NLRP2: variants seen among roughly 807,000 people sequenced by gnomAD.
The protein encoded by NLRP2 is NACHT, LRR and PYD domains-containing protein 2.
Under a neutral mutation model 97.2 loss-of-function variants are expected in NLRP2, and 107 were observed. The observed-to-expected ratio is 1.10, with a 90% CI of 0.94 to 1.29. The LOEUF (loss-of-function observed/expected upper bound fraction) is 1.29. Among genes scored for constraint, NLRP2 ranks in the 50% most tolerant of loss-of-function variants. NLRP2 has a pLI of 0.00. For synonymous variants in NLRP2, 663 were observed against 551.5 expected (o/e 1.20, Z -2.83); for missense variants, 1,495 against 1,330.3 (o/e 1.12, Z -1.93).
Position 54,982,588 on chromosome 19 carries a change from C to T in NLRP2, c.890C>T (p.Pro297Leu), listed in dbSNP as rs754777768. 1 of 1,614,168 alleles carries T rather than the reference C, an allele frequency of 6.2e-7. No homozygotes were observed. Residue 297 changes from proline (P) to leucine (L), a missense_variant, in exon 6 of 13, where the codon CCT becomes CTT. Physicochemically the swap from Pro to Leu is moderately conservative, Grantham distance 98. Transcript: ENST00000448584. ...IDGFDELGAA[P>L]GALIEDICGD... ...GGCTTTGATGAGCTGGGAGCCGCAC[C>T]TGGGGCGCTGATCGAGGACATCTGC... is the stretch of plus-strand genomic sequence containing the variant.
intron 10 of NLRP2, chr19:54,994,041 T>C: frequency 1.6e-6 from 1 of 617,492 alleles, no homozygotes; most frequent in Non-Finnish European, 2.9e-6. Context: ...CATCTTAAGA[T>C]GCTCAGTCAC....
chr19:54,985,367 T>C, intron 7 of NLRP2, 150 bp downstream of exon 7: 2 of 795,440 alleles, frequency 2.5e-6, no homozygotes, highest in South Asian at 3.2e-5. Flanking sequence ...ATTTATTTTG[T>C]GGGATAATCG....
At chr19:54,979,238 G>A (rs1311178515) in intron 4 of NLRP2, among the ~76,000 whole-genome samples, 1 of 152,048 alleles carries the variant, frequency 6.6e-6, no homozygotes, top group African/African-American at 2.4e-5. Flanking sequence ...ACCTACCTCG[G>A]TCTCCTAAAG....
chr19:54,990,905 T>TC, intron 10 of NLRP2: 2 of 582,546 alleles, frequency 3.4e-6, no homozygotes, highest in Non-Finnish European at 6.1e-6. Flanking sequence ...TTCGGGTTTT[T>TC]TTTTTCCTCT....
At position 54,976,812 on chromosome 19, in the gene NLRP2, C is replaced by CTT. The variant is rs530895836; in HGVS notation, c.326-924_326-923dup. The CTT allele has an allele frequency of 4.8e-3, 1,582 of 326,780 alleles. 38 individuals carry two copies. Among genetic ancestry groups the CTT allele is most frequent in the East Asian group, 0.016 (139 of 8,618 alleles). The allele number at this position is 326,780 out of a possible 1,614,324, so 20.2% of individuals were successfully genotyped here. A position where few individuals can be genotyped will look rare whatever the true frequency, so the allele number is the denominator to read the frequency against. ...ATTAGGATTCCACCTTGTTCTCTCTCTTTTTTTTTTTTTTTTTGATACGGA... is the reference window on the plus strand; with the variant it reads ...ATTAGGATTCCACCTTGTTCTCTCTCTTTTTTTTTTTTTTTTTTTGATACGGA... On this transcript the variant is annotated intron_variant, in intron 3 of 12. Transcript: ENST00000448584.
At chr19:55,000,421 C>T (rs377640227) in intron 12 of NLRP2, among the ~76,000 whole-genome samples, 56 of 150,218 alleles carry the variant, frequency 3.7e-4, no homozygotes, top group African/African-American at 1.3e-3. Flanking sequence ...GGACTACAGG[C>T]GTCCGCCACC....
At position 54,976,398 on chromosome 19, in the gene NLRP2, C is replaced by T. The variant is rs576019381; in HGVS notation, c.326-1354C>T. ...ACAGAGTCTTGCTCTGTCACCCAGG[C>T]TGGAGTGCAGTGGTACAATCTCACT... On this transcript the variant is annotated intron_variant, in intron 3 of 12. Transcript: ENST00000448584. Among the ~76,000 whole-genome samples the T allele has an allele frequency of 5.9e-5, 9 of 151,658 alleles. No individual in the cohort carries two copies. The East Asian group carries it at 1.8e-3, about 30-fold the overall frequency.
chr19:54,966,478 C>T lies in NLRP2; in HGVS notation c.-18+11C>T, dbSNP rs1337806868. ...GCCAGGTGTTGGGAGGTGAGTAGCT[C>T]TCCGGCAGCTCTGCAACTTCATTTC... On this transcript the variant is annotated intron_variant, in intron 1 of 12. Coordinates refer to ENST00000448584, the MANE Select transcript of NLRP2 (RefSeq NM_017852.5). The T allele has an allele frequency of 6.6e-6, 1 of 152,164 alleles. No homozygotes were observed. Among genetic ancestry groups the T allele is most frequent in the Non-Finnish European group, 1.5e-5 (1 of 68,026 alleles). The allele number at this position is 152,164 out of a possible 1,614,324, so 9.4% of individuals were successfully genotyped here. A position where few individuals can be genotyped will look rare whatever the true frequency, so the allele number is the denominator to read the frequency against.
intron 2 of NLRP2, chr19:54,973,843 G>A: frequency 1.6e-6 from 1 of 627,670 alleles, no homozygotes; most frequent in South Asian, 1.4e-5. Flanking sequence ...AAACCCGCCG[G>A]ACTTTCTGTA....
At chr19:54,976,048 C>T (rs947918599) in intron 3 of NLRP2, among the ~76,000 whole-genome samples, 2 of 139,672 alleles carry the variant, frequency 1.4e-5, no homozygotes, top group African/African-American at 5.2e-5. Flanking sequence ...CACACCTGGC[C>T]ATGAAGACTT....
At chr19:54,992,556 CTTTTTT>C (rs71181721) in intron 10 of NLRP2, among the ~76,000 whole-genome samples, 12 of 82,542 alleles carry the variant, frequency 1.5e-4, no homozygotes, top group African/African-American at 5.7e-4. Flanking sequence ...GGGGGGTTTT[CTTTTTT>C]TTTTTTTTTT....
chr19:54,985,315 A>T, intron 7 of NLRP2, 98 bp downstream of exon 7: 1 of 1,146,506 alleles, frequency 8.7e-7, no homozygotes, highest in Non-Finnish European at 1.3e-6. Context: ...CTAGACTCTT[A>T]AGTGCTCGAG....
intron 12 of NLRP2, among the ~76,000 whole-genome samples, chr19:55,000,437 C>T (rs552652570): frequency 5.2e-4 from 78 of 150,962 alleles, no homozygotes; most frequent in African/African-American, 1.7e-3. Flanking sequence ...CCACCACGCC[C>T]GGCTAATTTT....
At chr19:54,970,823 TTA>T (rs1225016032) in intron 2 of NLRP2, among the ~76,000 whole-genome samples, 101 of 148,236 alleles carry the variant, frequency 6.8e-4, no homozygotes, top group Non-Finnish European at 1.4e-3. Context: ...TTTATTATTA[TTA>T]TTTTTTTTAT....
At chr19:54,977,896 T>C (rs1008937974) in intron 4 of NLRP2, 73 bp downstream of exon 4, 22 of 1,327,352 alleles carry the variant, frequency 1.7e-5, no homozygotes, top group Non-Finnish European at 2.2e-5. Context: ...TCCTGTTCCT[T>C]TGAAGAACCC....
intron 12 of NLRP2, among the ~76,000 whole-genome samples, chr19:54,998,630 C>CT (rs2072989914): frequency 1.1e-3 from 34 of 32,286 alleles, no homozygotes; most frequent in South Asian, 2.2e-3. Context: ...TTTTTTTTTT[C>CT]CTTTTTTTTT....
Position 54,984,369 on chromosome 19 carries a change from A to G in NLRP2, c.2030+641A>G, listed in dbSNP as rs1305811197. On this transcript the variant is annotated intron_variant, in intron 6 of 12. Transcript: ENST00000448584. Reference sequence around the variant, plus strand: ...TTTTTTTTTGGAAAGACAAAATCTCACTATGTTGTCCAGGCTGGTCTTGAA... The same window carrying G: ...TTTTTTTTTGGAAAGACAAAATCTCGCTATGTTGTCCAGGCTGGTCTTGAA... Among the ~76,000 whole-genome samples, 6 of 107,996 alleles carry G rather than the reference A, an allele frequency of 5.6e-5. No individual in the cohort carries two copies. The East Asian group carries it at 1.5e-3, about 26-fold the overall frequency. 70.8% of individuals were successfully genotyped at this position (107,996 alleles called of 152,430 possible).
chr19:54,999,357 G>C (rs951041009), intron 12 of NLRP2, among the ~76,000 whole-genome samples: 1 of 152,144 alleles, frequency 6.6e-6, no homozygotes, highest in Non-Finnish European at 1.5e-5. Context: ...ATATTGGTCA[G>C]GCTGGTCTCG....
At position 54,977,832 on chromosome 19, in the gene NLRP2, C is replaced by A. The variant is rs952950305; in HGVS notation, c.397+9C>A. Reference sequence around the variant, plus strand: ...CAAAACAGAAGCACAAGGTGGGTGTCAGGACCTCCAATGTTGGAGTCAGCT... The same window carrying A: ...CAAAACAGAAGCACAAGGTGGGTGTAAGGACCTCCAATGTTGGAGTCAGCT... On this transcript the variant is annotated intron_variant, in intron 4 of 12. Coordinates refer to ENST00000448584, the MANE Select transcript of NLRP2 (RefSeq NM_017852.5). 12 of 1,613,104 alleles carry A rather than the reference C, an allele frequency of 7.4e-6. No individual in the cohort carries two copies. Among genetic ancestry groups the A allele is most frequent in the African/African-American group, 6.7e-5 (5 of 74,910 alleles).
Sources: allele counts gnomAD v4.1 joint callset (sites outside exome capture counted in the v4.1 genomes callset), GRCh38; gene constraint gnomAD v4.1.1; transcripts MANE v1.5; gene names NCBI Gene and HGNC (gene_info 2026-07-23, HGNC 2026-07-21).